The following PCSK5 variants were observed in gnomAD, a reference collection of about 807,000 sequenced individuals.
PCSK5 encodes prohormone convertase 5.
Under a neutral mutation model 233.2 loss-of-function variants are expected in PCSK5, and 129 were observed. The observed-to-expected ratio is 0.55, with a 90% CI of 0.48 to 0.64. The LOEUF is 0.64. Ranked by LOEUF, PCSK5 falls within the 30% of genes least tolerant of loss-of-function variation. PCSK5 has a pLI of 0.00. For missense variants in PCSK5, 2,076 were observed against 2,430.1 expected, an observed-to-expected ratio of 0.85 and a Z score of 3.06; for synonymous variants, 825 against 879.2, an observed-to-expected ratio of 0.94 and a Z score of 1.09.
At chr9:76,318,189 C>T (rs558074982) in intron 30 of PCSK5, among the ~76,000 whole-genome samples, 9 of 152,164 alleles carry the variant, frequency 5.9e-5, no homozygotes, top group South Asian at 2.1e-4. Context: ...AGCTGGAAAC[C>T]TTCATTCTCA....
chr9:76,079,859 G>A (rs1383239679), intron 7 of PCSK5, among the ~76,000 whole-genome samples: 1 of 152,030 alleles, frequency 6.6e-6, no homozygotes, highest in African/African-American at 2.4e-5. Context: ...AGTCTGTTGA[G>A]GGTTTTTATT....
Position 76,067,862 on chromosome 9 carries a change from A to G in PCSK5, c.633-93A>G, listed in dbSNP as rs1037144207. The G allele has an allele frequency of 1.2e-5, 12 of 961,128 alleles. No homozygotes were observed. The African/African-American group carries it at 1.6e-4, about 13-fold the overall frequency. 59.5% of individuals were successfully genotyped at this position (961,128 alleles called of 1,614,324 possible). On this transcript the variant is annotated intron_variant, in intron 5 of 37. Coordinates refer to ENST00000674117, the MANE Select transcript of PCSK5 (RefSeq NM_001372043.1). ...AGTTCCAGAAACACCACAGCTGGGT[A>G]CATTCTTCACCACTCTGAGTGGTGG...
intron 24 of PCSK5, among the ~76,000 whole-genome samples, chr9:76,258,166 T>G (rs1280469420): frequency 6.6e-6 from 1 of 152,062 alleles, no homozygotes; most frequent in African/African-American, 2.4e-5. Context: ...GGTAGAACAT[T>G]AGAATAGAAA....
At chr9:76,248,768 T>A (rs188370649) in intron 24 of PCSK5, among the ~76,000 whole-genome samples, 46 of 152,308 alleles carry the variant, frequency 3.0e-4, no homozygotes, top group Non-Finnish European at 5.6e-4. Context: ...GTAGATAATA[T>A]CACCTCATAT....
chr9:76,114,325 C>T lies in PCSK5; in HGVS notation c.1208+6974C>T, dbSNP rs547855279. On this transcript the variant is annotated intron_variant, in intron 9 of 37. Transcript: ENST00000674117. ...AACCAGACCCAAAGAGCAGTTACCA[C>T]GGGCCTTCTGCCAGGACTGTGCATG... Among the ~76,000 whole-genome samples, 6 of 152,256 alleles carry T rather than the reference C, an allele frequency of 3.9e-5. No individual in the cohort carries two copies. The East Asian group carries it at 1.2e-3, about 29-fold the overall frequency.
intron 9 of PCSK5, among the ~76,000 whole-genome samples, chr9:76,130,267 A>G (rs1016480011): frequency 6.6e-6 from 1 of 152,148 alleles, no homozygotes; most frequent in East Asian, 1.9e-4. Flanking sequence ...GTGTGTACAA[A>G]GTGTGTGTAA....
chr9:76,126,352 G>A (rs1434701199), intron 9 of PCSK5, among the ~76,000 whole-genome samples: 1 of 152,200 alleles, frequency 6.6e-6, no homozygotes, highest in African/African-American at 2.4e-5. Context: ...GGTGGCTCAC[G>A]CCTACAATCC....
rs943413880 is a variant in PCSK5 at position 76,322,451 on chromosome 9, C to T, written c.4103-601C>T. Among the ~76,000 whole-genome samples, 134 of 152,238 alleles carry T rather than the reference C, an allele frequency of 8.8e-4. 1 individual carries two copies. Among genetic ancestry groups the T allele is most frequent in the African/African-American group, 3.2e-3 (134 of 41,546 alleles). On this transcript the variant is annotated intron_variant, in intron 31 of 37. Transcript: ENST00000674117. ...CTCCCCCAAAAAGCTGTTCAATTTT[C>T]TCTCCAGAATAAGACAGACTCATTT...
At chr9:76,178,348 AGAT>A (rs1158342051) in intron 14 of PCSK5, among the ~76,000 whole-genome samples, 8 of 152,220 alleles carry the variant, frequency 5.3e-5, no homozygotes, top group African/African-American at 1.9e-4. Context: ...ATTTCCATTC[AGAT>A]GGAGAAGTCA....
intron 1 of PCSK5, among the ~76,000 whole-genome samples, chr9:75,911,201 G>GTTTTTTTTTTTTT (rs71370772): frequency 2.1e-5 from 1 of 48,756 alleles, no homozygotes; most frequent in Non-Finnish European, 3.5e-5. Flanking sequence ...GAACATATAG[G>GTTTTTTTTTTTTT]TTTTTTTTTT....
At chr9:76,240,075 C>T (rs942121456) in intron 23 of PCSK5, among the ~76,000 whole-genome samples, 1 of 152,144 alleles carries the variant, frequency 6.6e-6, no homozygotes, top group African/African-American at 2.4e-5. Context: ...CTTATAGTTT[C>T]GGCTCTCTTC....
chr9:75,961,913 G>A (rs939215048), intron 2 of PCSK5, among the ~76,000 whole-genome samples: 1 of 152,140 alleles, frequency 6.6e-6, no homozygotes, highest in Non-Finnish European at 1.5e-5. Context: ...CTTTTTGTTG[G>A]ACAGCACTAA....
intron 32 of PCSK5, among the ~76,000 whole-genome samples, chr9:76,326,215 A>AAT (rs1829354734): frequency 6.6e-6 from 1 of 151,974 alleles, no homozygotes; most frequent in African/African-American, 2.4e-5. Context: ...CTATTTCTAA[A>AAT]ACAAAAATAA....
Position 76,358,878 on chromosome 9 carries a change from G to C in PCSK5, c.5620G>C (p.Asp1874His). Residue 1874 changes from aspartate to histidine, a missense_variant, in exon 38 of 38, where the codon GAT becomes CAT. Physicochemically the swap from Asp to His is moderately conservative, Grantham distance 81. Coordinates refer to ENST00000674117, the MANE Select transcript of PCSK5 (RefSeq NM_001372043.1). ...TGGGCTGCTGGATGACGATGACATA[G>C]ATGAGCTGGAATATGATGACGAGAG... The part of the protein sequence containing the change: ...KYGLLDDDDI[D>H]ELEYDDESYS... 3 of 1,612,846 alleles carry C rather than the reference G, an allele frequency of 1.9e-6. No homozygotes were observed. The highest frequency in any genetic ancestry group is 2.5e-6 in the Non-Finnish European group (3 of 1,179,888).
At position 76,095,898 on chromosome 9, in the gene PCSK5, A is replaced by G; in HGVS notation, c.903A>G (p.Arg301=). Residue 301 remains arginine (R), a synonymous_variant, in exon 8 of 38, where the codon AGA becomes AGG. Transcript: ENST00000674117. ...TCTCTGTTTGTGAACAGGGGCGGAG[A>G]GGCCTCGGCTCTGTGTTTGTTTGGG... ...AFENGVRMGR[R]GLGSVFVWAS... 1 of 1,613,988 alleles carries G rather than the reference A, an allele frequency of 6.2e-7. No homozygotes were observed.
rs1374821039 is a variant in PCSK5 at position 76,064,500 on chromosome 9, C to T, written c.633-3455C>T. On this transcript the variant is annotated intron_variant, in intron 5 of 37. Transcript: ENST00000674117. ...CTCCCGGATGGGGCGGCTGGCCGGG[C>T]GGGGGGCTGAACCCCCCCAACCTCC... Among the ~76,000 whole-genome samples, 5 of 142,994 alleles carry T rather than the reference C, an allele frequency of 3.5e-5. 1 individual carries two copies. Among genetic ancestry groups the T allele is most frequent in the African/African-American group, 8.0e-5 (3 of 37,368 alleles). The allele number at this position is 142,994 out of a possible 152,430, so 93.8% of individuals were successfully genotyped here.
At chr9:75,966,498 A>G (rs952432623) in intron 2 of PCSK5, among the ~76,000 whole-genome samples, 1 of 152,176 alleles carries the variant, frequency 6.6e-6, no homozygotes, top group African/African-American at 2.4e-5. Flanking sequence ...TGCCATCCCA[A>G]TCTCATGGGA....
intron 2 of PCSK5, among the ~76,000 whole-genome samples, chr9:75,961,276 A>T (rs1825342410): frequency 6.6e-6 from 1 of 152,226 alleles, no homozygotes; most frequent in East Asian, 1.9e-4. Context: ...CACTTGCTAC[A>T]AAGTGATTTA....
At chr9:76,119,995 A>C (rs541621815) in intron 9 of PCSK5, among the ~76,000 whole-genome samples, 1 of 152,022 alleles carries the variant, frequency 6.6e-6, no homozygotes, top group South Asian at 2.1e-4. Context: ...TACTTTCTAT[A>C]TTCATAAATT....
Sources: gnomAD v4.1 joint callset for allele counts (sites outside exome capture counted in the v4.1 genomes callset) on GRCh38, gnomAD v4.1.1 for gene constraint, MANE v1.5 for transcripts, NCBI Gene and HGNC (gene_info 2026-07-23, HGNC 2026-07-21) for gene names.